The following TSGA10 variants were observed in gnomAD, a reference collection of about 807,000 sequenced individuals.
TSGA10 encodes the protein testis specific 10.
A neutral mutation model predicts 96.6 loss-of-function variants in TSGA10; 43 were observed. The ratio of observed to expected loss-of-function variants is 0.44; its 90% CI spans 0.35 to 0.57. The LOEUF (loss-of-function observed/expected upper bound fraction) is 0.57. Ranked by LOEUF, TSGA10 falls within the 20% of genes least tolerant of loss-of-function variation. The pLI, the probability that TSGA10 is intolerant of heterozygous loss-of-function variation, is 0.01. For synonymous variants in TSGA10, 229 were observed against 269.9 expected, an observed-to-expected ratio of 0.85 and a Z score of 1.48; for missense variants, 703 against 834.4, an observed-to-expected ratio of 0.84 and a Z score of 1.94.
chr2:99,110,582 A>C (rs531530401), intron 5 of TSGA10, among the ~76,000 whole-genome samples: 17 of 152,318 alleles, frequency 1.1e-4, no homozygotes, highest in African/African-American at 3.8e-4. Context: ...CATCATTTTA[A>C]ATCAATTAAC....
intron 1 of TSGA10, chr2:99,151,102 T>C (rs2093689137): frequency 7.2e-6 from 2 of 279,680 alleles, no homozygotes; most frequent in Non-Finnish European, 1.3e-5. Flanking sequence ...AGTTTTTAAG[T>C]AACAGTATTT....
intron 17 of TSGA10, among the ~76,000 whole-genome samples, chr2:99,027,132 G>A (rs988889903): frequency 9.2e-5 from 14 of 152,316 alleles, no homozygotes; most frequent in Admixed American, 5.9e-4. Context: ...CCTGCTGTGC[G>A]GCTAGGACTG....
chr2:99,005,401 T>G (rs1156299294), intron 20 of TSGA10, among the ~76,000 whole-genome samples: 1 of 152,200 alleles, frequency 6.6e-6, no homozygotes, highest in Admixed American at 6.5e-5. Context: ...CCCCATTGTC[T>G]CAGCCCAAAA....
At position 99,154,696 on chromosome 2, in the gene TSGA10, C is replaced by T. The variant is rs980888822; in HGVS notation, c.-624G>A. On this transcript the variant is annotated 5_prime_UTR_variant, in exon 1 of 21. Transcript: ENST00000393483. ...CCTGGCACGCCCGCTCTCCTACCTTCGCCCAGGGCTGGCCGTTATCTCTGT... is the reference window on the plus strand; with the variant it reads ...CCTGGCACGCCCGCTCTCCTACCTTTGCCCAGGGCTGGCCGTTATCTCTGT... 1 of 205,992 alleles carries T rather than the reference C, an allele frequency of 4.9e-6. No individual in the cohort carries two copies. The highest frequency in any genetic ancestry group is 5.5e-5 in the Admixed American group (1 of 18,246). 12.8% of individuals were successfully genotyped at this position (205,992 alleles called of 1,614,324 possible).
intron 11 of TSGA10, 104 bp from the exon 12 acceptor site, chr2:99,078,917 T>C: frequency 1.0e-6 from 1 of 993,242 alleles, no homozygotes; most frequent in South Asian, 2.2e-5. Flanking sequence ...TTCTAATATA[T>C]ATTATATTCA....
intron 16 of TSGA10, among the ~76,000 whole-genome samples, chr2:99,049,284 T>C (rs946666949): frequency 6.6e-6 from 1 of 152,192 alleles, no homozygotes; most frequent in Non-Finnish European, 1.5e-5. Context: ...TGTGCACGTA[T>C]GTTTACTGCA....
intron 20 of TSGA10, among the ~76,000 whole-genome samples, chr2:99,000,063 C>A (rs745616376): frequency 6.6e-6 from 1 of 152,170 alleles, no homozygotes; most frequent in Admixed American, 6.5e-5. Flanking sequence ...GTGTAATTCA[C>A]CTATTTTTTA....
chr2:99,005,210 G>A (rs2078350197), intron 20 of TSGA10, among the ~76,000 whole-genome samples: 1 of 152,188 alleles, frequency 6.6e-6, no homozygotes, highest in Non-Finnish European at 1.5e-5. Context: ...AAAACTGGAA[G>A]CATTCCCTTG....
chr2:99,082,888 A>G (rs1248215318), intron 10 of TSGA10, among the ~76,000 whole-genome samples: 31 of 152,166 alleles, frequency 2.0e-4, no homozygotes, highest in Non-Finnish European at 4.4e-5. Context: ...AAAAGAACCA[A>G]ATAGAACTTC....
intron 20 of TSGA10, among the ~76,000 whole-genome samples, chr2:99,005,710 A>T (rs2078406074): frequency 6.6e-6 from 1 of 152,216 alleles, no homozygotes; most frequent in Non-Finnish European, 1.5e-5. Context: ...GAAAATGGCC[A>T]TACTGCCCAA....
At chr2:99,149,833 C>A (rs2093673972) in intron 1 of TSGA10, among the ~76,000 whole-genome samples, 1 of 149,516 alleles carries the variant, frequency 6.7e-6, no homozygotes, top group Non-Finnish European at 1.5e-5. Context: ...GCTCTTGTCG[C>A]CCAGGCTGGA....
At chr2:99,036,102 G>A (rs1441512633) in intron 16 of TSGA10, among the ~76,000 whole-genome samples, 3 of 152,020 alleles carry the variant, frequency 2.0e-5, no homozygotes, top group African/African-American at 7.2e-5. Flanking sequence ...AATGTCTTAT[G>A]TAAGTGCACT....
intron 1 of TSGA10, among the ~76,000 whole-genome samples, chr2:99,127,843 A>G (rs1382459149): frequency 6.6e-6 from 1 of 152,238 alleles, no homozygotes; most frequent in Non-Finnish European, 1.5e-5. Flanking sequence ...ATCTATCAAC[A>G]TGACAAATGC....
intron 10 of TSGA10, among the ~76,000 whole-genome samples, chr2:99,099,295 A>C (rs1466373396): frequency 1.3e-5 from 2 of 152,212 alleles, no homozygotes; most frequent in Non-Finnish European, 2.9e-5. Context: ...CTGGGCAACA[A>C]GAGTGAAACT....
At chr2:99,077,410 T>C (rs987070800) in intron 12 of TSGA10, among the ~76,000 whole-genome samples, 1 of 152,210 alleles carries the variant, frequency 6.6e-6, no homozygotes, top group Admixed American at 6.5e-5. Flanking sequence ...GTTACCTTAG[T>C]AATAAAGTAA....
At chr2:99,002,650 G>A (rs1421289619) in intron 20 of TSGA10, among the ~76,000 whole-genome samples, 2 of 152,030 alleles carry the variant, frequency 1.3e-5, no homozygotes, top group African/African-American at 4.8e-5. Context: ...AACCTTAAAC[G>A]TAAATGGGCT....
At chr2:99,016,603 G>C (rs1287412009) in intron 20 of TSGA10, among the ~76,000 whole-genome samples, 1 of 152,068 alleles carries the variant, frequency 6.6e-6, no homozygotes, top group Non-Finnish European at 1.5e-5. Context: ...TCATGACCAA[G>C]AACCCAAAAG....
At chr2:99,145,914 T>C (rs892495287) in intron 1 of TSGA10, among the ~76,000 whole-genome samples, 3 of 152,024 alleles carry the variant, frequency 2.0e-5, no homozygotes. Context: ...GGAGGATTGC[T>C]TGAGTACAGG....
chr2:98,998,634 C>T (rs1035754145), intron 20 of TSGA10, among the ~76,000 whole-genome samples: 4 of 152,138 alleles, frequency 2.6e-5, no homozygotes, highest in Admixed American at 2.6e-4. Context: ...TTCTTTGGTG[C>T]TGATGGAACA....
Sources: gnomAD v4.1 joint callset for allele counts (sites outside exome capture counted in the v4.1 genomes callset) on GRCh38, gnomAD v4.1.1 for gene constraint, MANE v1.5 for transcripts, NCBI Gene and HGNC (gene_info 2026-07-23, HGNC 2026-07-21) for gene names.